The following SCLT1 variants were observed in gnomAD, a reference collection of about 807,000 sequenced individuals.
The protein encoded by SCLT1 is sodium channel-associated protein 1.
In SCLT1, 78 loss-of-function variants were observed where a neutral mutation model predicts 112.8. That is an observed-to-expected ratio of 0.69 (90% CI 0.58 to 0.83). SCLT1 has a LOEUF of 0.83. Among genes scored for constraint, SCLT1 ranks in the 40% least tolerant of loss-of-function variants. The pLI is 0.00. For synonymous variants in SCLT1, 257 were observed against 254.7 expected, an observed-to-expected ratio of 1.01 and a Z score of -0.09; for missense variants, 747 against 770.4, an observed-to-expected ratio of 0.97 and a Z score of 0.36.
chr4:129,023,785 C>T (rs280598), intron 5 of SCLT1, among the ~76,000 whole-genome samples: 39,427 of 152,126 alleles, frequency 0.26, 6,309 homozygotes, highest in Non-Finnish European at 0.35. Context: ...CTTTCCTAGT[C>T]AAAGAAAGGG....
intron 17 of SCLT1, among the ~76,000 whole-genome samples, chr4:128,942,209 T>C (rs1737755064): frequency 6.6e-6 from 1 of 152,050 alleles, no homozygotes; most frequent in South Asian, 2.1e-4. Flanking sequence ...ATACCTGCAA[T>C]AGGAGGCATT....
chr4:129,031,471 G>A (rs180848208), intron 5 of SCLT1, among the ~76,000 whole-genome samples: 26 of 152,164 alleles, frequency 1.7e-4, no homozygotes, highest in Non-Finnish European at 3.1e-4. Flanking sequence ...GGGCAATCAG[G>A]CAACAGAAAG....
chr4:128,901,212 AC>A (rs1227290992), intron 18 of SCLT1, among the ~76,000 whole-genome samples: 1 of 152,228 alleles, frequency 6.6e-6, no homozygotes, highest in Non-Finnish European at 1.5e-5. Flanking sequence ...CTATAAAGAC[AC>A]ATGCACACAT....
chr4:128,908,487 A>C (rs1734859531), intron 18 of SCLT1, among the ~76,000 whole-genome samples: 1 of 152,132 alleles, frequency 6.6e-6, no homozygotes, highest in African/African-American at 2.4e-5. Flanking sequence ...CCTTAGGTGC[A>C]AATGCTGTGT....
At chr4:128,976,369 C>A (rs1161205891) in intron 9 of SCLT1, among the ~76,000 whole-genome samples, 4 of 152,124 alleles carry the variant, frequency 2.6e-5, no homozygotes, top group Non-Finnish European at 5.9e-5. Flanking sequence ...GATTACAAGT[C>A]TAGTCTTAGA....
At chr4:129,034,677 G>T (rs6847784) in intron 5 of SCLT1, among the ~76,000 whole-genome samples, 41,688 of 150,416 alleles carry the variant, frequency 0.28, 6,032 homozygotes, top group South Asian at 0.35. Context: ...ATTCTGCAGT[G>T]AAAGAACATT....
intron 3 of SCLT1, 129 bp from the exon 4 acceptor site, chr4:129,043,596 T>C (rs1002428072): frequency 7.0e-6 from 4 of 568,934 alleles, no homozygotes; most frequent in African/African-American, 5.8e-5. Flanking sequence ...TTTTCCCTTT[T>C]TTCCAAAACC....
At chr4:129,027,368 T>A (rs944392081) in intron 5 of SCLT1, among the ~76,000 whole-genome samples, 4 of 152,216 alleles carry the variant, frequency 2.6e-5, no homozygotes, top group Non-Finnish European at 5.9e-5. Context: ...CAAGTGGGCT[T>A]CATCCCTGGG....
chr4:129,025,102 G>A (rs1445199059), intron 5 of SCLT1, among the ~76,000 whole-genome samples: 1 of 152,212 alleles, frequency 6.6e-6, no homozygotes, highest in Non-Finnish European at 1.5e-5. Context: ...CGGGGAGAAT[G>A]GAACCAAGTT....
chr4:129,055,410 C>A (rs1299525208), intron 2 of SCLT1, among the ~76,000 whole-genome samples: 1 of 152,160 alleles, frequency 6.6e-6, no homozygotes, highest in Non-Finnish European at 1.5e-5. Context: ...GTGCTCTGTC[C>A]CAGGGGGATG....
intron 18 of SCLT1, among the ~76,000 whole-genome samples, chr4:128,900,722 C>T (rs1181906359): frequency 2.6e-5 from 4 of 152,132 alleles, no homozygotes; most frequent in Admixed American, 6.6e-5. Flanking sequence ...AAAGAAACTA[C>T]CCTCAGAGTG....
chr4:128,929,098 G>A (rs1017440359), intron 18 of SCLT1, among the ~76,000 whole-genome samples: 2 of 152,106 alleles, frequency 1.3e-5, no homozygotes, highest in African/African-American at 4.8e-5. Flanking sequence ...AGATAAAACT[G>A]TTCTATTGAT....
Position 128,948,504 on chromosome 4 carries a change from GTTC to G in SCLT1, c.1282_1284del (p.Glu428del), listed in dbSNP as rs755403979. On this transcript the variant is annotated inframe_deletion, in exon 15 of 21. Coordinates refer to ENST00000281142, the MANE Select transcript of SCLT1 (RefSeq NM_144643.4). ...TTCCTTTTTCTTTTTACCTTTTCTA[GTTC>G]TTCTTCCACTGCTTTTTTTTCCTTA... 5 of 1,606,114 alleles carry G rather than the reference GTTC, an allele frequency of 3.1e-6. No homozygotes were observed. Among genetic ancestry groups the G allele is most frequent in the African/African-American group, 1.3e-5 (1 of 74,652 alleles).
chr4:129,053,556 G>GTTTTTTTTTTTTTTTTTTTTTT (rs1749035905), intron 2 of SCLT1, among the ~76,000 whole-genome samples: 2 of 32,418 alleles, frequency 6.2e-5, no homozygotes, highest in African/African-American at 2.6e-4. Flanking sequence ...TGCAATCCCT[G>GTTTTTTTTTTTTTTTTTTTTTT]ATTTTTTTTT....
rs113822402 is a variant in SCLT1, at chr4:128,956,659, A to G, written c.1146+367T>C. Among the ~76,000 whole-genome samples the G allele has an allele frequency of 4.7e-3, 723 of 152,298 alleles. 4 individuals are homozygous for G. Among genetic ancestry groups the G allele is most frequent in the African/African-American group, 0.016 (664 of 41,584 alleles). ...CTTAGTTGCTTGGGAGAAAGCAAAC[A>G]TTTTAACTTTATTTTTTCTAAACTG... On this transcript the variant is annotated intron_variant, in intron 13 of 20. Transcript: ENST00000281142.
At chr4:129,029,544 G>C (rs1048725621) in intron 5 of SCLT1, among the ~76,000 whole-genome samples, 2 of 144,060 alleles carry the variant, frequency 1.4e-5, no homozygotes, top group African/African-American at 2.5e-5. Context: ...GAGGGAGGGG[G>C]GAGGGATAGC....
chr4:128,881,525 C>T (rs992164497), downstream of SCLT1, among the ~76,000 whole-genome samples: 6 of 151,994 alleles, frequency 3.9e-5, no homozygotes, highest in Non-Finnish European at 7.4e-5. Context: ...TGTTGCCTGC[C>T]CTAGTTTGCA....
intron 9 of SCLT1, among the ~76,000 whole-genome samples, chr4:128,981,043 A>C (rs1008808362): frequency 6.6e-6 from 1 of 152,198 alleles, no homozygotes; most frequent in African/African-American, 2.4e-5. Context: ...AGCACCTGCC[A>C]TATGTCTAGT....
In SCLT1 at chr4:128,884,269, C is replaced by T. The variant is rs1293035968; in HGVS notation, c.*208G>A. 1.2e-5 allele frequency: 5 copies of T among 402,194 alleles called. No individual in the cohort carries two copies. The highest frequency in any genetic ancestry group is 9.0e-5 in the South Asian group (1 of 11,080). The allele number at this position is 402,194 out of a possible 1,614,324, so 24.9% of individuals were successfully genotyped here. A position where few individuals can be genotyped will look rare whatever the true frequency, so the allele number is the denominator to read the frequency against. On this transcript the variant is annotated 3_prime_UTR_variant, in exon 21 of 21. Transcript: ENST00000281142. ...TTCTTCTCAGCTGGTTTATTCTCCA[C>T]TGAAGCTCAATATAGGATTATATTT... is the stretch of plus-strand genomic sequence containing the variant.
Sources: gnomAD v4.1 joint callset for allele counts (sites outside exome capture counted in the v4.1 genomes callset) on GRCh38, gnomAD v4.1.1 for gene constraint, MANE v1.5 for transcripts, NCBI Gene and HGNC (gene_info 2026-07-23, HGNC 2026-07-21) for gene names.